The following ZNF567 variants were observed in gnomAD, a reference collection of about 807,000 sequenced individuals.
ZNF567 encodes the protein zinc finger protein 567.
In ZNF567, 36 loss-of-function variants were observed where a neutral mutation model predicts 53.9. The observed-to-expected ratio is 0.67, with a 90% confidence interval of 0.51 to 0.88. The LOEUF (loss-of-function observed/expected upper bound fraction) is 0.88. ZNF567 is among the 40% of genes least tolerant of loss of function. The probability of loss-of-function intolerance (pLI) is 0.00; values close to 1 mark genes in which losing one functional copy is unlikely to be tolerated. For synonymous variants in ZNF567, 224 were observed against 260.4 expected (o/e 0.86, Z 1.35); for missense variants, 619 against 764.7 (o/e 0.81, Z 2.25).
At chr19:36,697,809 A>G (rs541938050) in intron 3 of ZNF567, among the ~76,000 whole-genome samples, 1 of 151,052 alleles carries the variant, frequency 6.6e-6, no homozygotes, top group East Asian at 2.0e-4. Context: ...ACAGCATTTC[A>G]CCATATTGGC....
intron 3 of ZNF567, among the ~76,000 whole-genome samples, chr19:36,704,509 A>T (rs2035020960): frequency 6.6e-6 from 1 of 152,138 alleles, no homozygotes; most frequent in Non-Finnish European, 1.5e-5. Flanking sequence ...ATATTACTAT[A>T]ATGAATTATG....
intron 3 of ZNF567, chr19:36,711,878 A>C (rs2039803378): frequency 6.6e-6 from 1 of 152,408 alleles, no homozygotes. Flanking sequence ...ATATTCTTAG[A>C]ATGTGTTATT....
Position 36,702,283 on chromosome 19 carries a change from G to C in ZNF567, c.9+7407G>C, listed in dbSNP as rs1163889346. On this transcript the variant is annotated intron_variant, in intron 3 of 5. Transcript: ENST00000682579. ...TGTCTTCTGGCTTGTAGAGTTTCTGGCGAGAGATCCGCTGTTAGTCTGATG... is the reference window on the plus strand; with the variant it reads ...TGTCTTCTGGCTTGTAGAGTTTCTGCCGAGAGATCCGCTGTTAGTCTGATG... Among the ~76,000 whole-genome samples the C allele has an allele frequency of 5.9e-5, 9 of 152,146 alleles. No individual in the cohort carries two copies. In the East Asian group the frequency reaches 1.7e-3, roughly 29 times the overall value.
downstream of ZNF567, chr19:36,727,010 C>CTTTCTTTCTTTCTTTCTTTCTTTCTTTTT (rs1555809300): frequency 8.1e-6 from 1 of 123,884 alleles, no homozygotes; most frequent in Non-Finnish European, 1.7e-5. Flanking sequence ...TTCTTTCTTT[C>CTTTCTTTCTTTCTTTCTTTCTTTCTTTTT]CTTTTTTTTT....
chr19:36,672,062 A>G, the ZNF567 span, among the ~76,000 whole-genome samples: 1 of 152,198 alleles, frequency 6.6e-6, no homozygotes, highest in African/African-American at 2.4e-5. Context: ...CCTGGTTTAC[A>G]GATGGTTCTG....
At chr19:36,725,823 AT>A (rs2040333455), downstream of ZNF567, among the ~76,000 whole-genome samples, 1 of 152,004 alleles carries the variant, frequency 6.6e-6, no homozygotes, top group South Asian at 2.1e-4. Flanking sequence ...TAACTTCTAT[AT>A]TTTTTACAGA....
At chr19:36,673,429 G>T in the ZNF567 span, among the ~76,000 whole-genome samples, 2 of 152,132 alleles carry the variant, frequency 1.3e-5, no homozygotes, top group Non-Finnish European at 2.9e-5. Flanking sequence ...TAAATCAGTG[G>T]ACTCTGAATA....
chr19:36,697,842 C>G (rs2038962980), intron 3 of ZNF567, among the ~76,000 whole-genome samples: 1 of 151,676 alleles, frequency 6.6e-6, no homozygotes, highest in African/African-American at 2.4e-5. Context: ...GAACTCTGGC[C>G]TCAAGTGTTC....
At chr19:36,676,770 C>A in the ZNF567 span, among the ~76,000 whole-genome samples, 1 of 152,164 alleles carries the variant, frequency 6.6e-6, no homozygotes, top group Non-Finnish European at 1.5e-5. Flanking sequence ...GTAATCCCAG[C>A]ACTTTGGAAG....
chr19:36,690,776 A>G (rs1354801004), intron 2 of ZNF567, among the ~76,000 whole-genome samples: 5 of 152,164 alleles, frequency 3.3e-5, no homozygotes, highest in Non-Finnish European at 5.9e-5. Flanking sequence ...ATTGAATCGT[A>G]TACTTTAGAT....
intron 3 of ZNF567, among the ~76,000 whole-genome samples, chr19:36,695,597 G>A (rs558798578): frequency 3.9e-5 from 6 of 152,080 alleles, no homozygotes; most frequent in South Asian, 4.2e-4. Context: ...TATTTGGGAG[G>A]TTTAGGTGGG....
At chr19:36,724,681 C>CAAAAAA (rs577726722), downstream of ZNF567, among the ~76,000 whole-genome samples, 25 of 117,270 alleles carry the variant, frequency 2.1e-4, 2 homozygotes, top group Admixed American at 1.1e-3. Context: ...GACTTCATCT[C>CAAAAAA]AAAAAAAAAA....
At position 36,719,338 on chromosome 19, in the gene ZNF567, C is replaced by T; in HGVS notation, c.614C>T (p.Thr205Ile). 6.2e-7 allele frequency: 1 copy of T among 1,613,356 alleles called. No individual in the cohort carries two copies. Among genetic ancestry groups the T allele is most frequent in the Non-Finnish European group, 8.5e-7 (1 of 1,179,848 alleles). ...EVLMQYQKTE[T>I]PAQSFGYNDC... ...CTTATGCAGTATCAGAAAACGGAAA[C>T]TCCAGCACAGTCATTTGGATATAAT... Residue 205 changes from threonine to isoleucine, a missense_variant, in exon 6 of 6, where the codon ACT (threonine) becomes ATT (isoleucine). Transcript: ENST00000682579.
At chr19:36,711,321 C>T (rs985777341) in intron 3 of ZNF567, 1 of 152,162 alleles carries the variant, frequency 6.6e-6, no homozygotes, top group Non-Finnish European at 1.5e-5. Context: ...GCCACCACGC[C>T]CAGCCTCAAG....
intron 5 of ZNF567, among the ~76,000 whole-genome samples, chr19:36,717,692 G>A (rs2040126492): frequency 1.3e-5 from 2 of 152,180 alleles, no homozygotes; most frequent in Admixed American, 1.3e-4. Flanking sequence ...AGATATAGAT[G>A]ATTGCAAGGT....
intron 3 of ZNF567, 22 bp from the exon 4 acceptor site, chr19:36,712,364 A>C (rs762814586): frequency 1.2e-6 from 2 of 1,609,644 alleles, no homozygotes; most frequent in Non-Finnish European, 1.7e-6. Context: ...ACCTGTTCTG[A>C]TTACAGTTCC....
chr19:36,721,193 A>G lies in ZNF567; in HGVS notation c.*525A>G, dbSNP rs1390077815. On this transcript the variant is annotated 3_prime_UTR_variant, in exon 6 of 6. Coordinates refer to ENST00000682579, the MANE Select transcript of ZNF567 (RefSeq NM_001322917.1). ...TCACTCAATTTTTTAAGATCTGTACATTATTGCATGTGGCAGTAGTGTATT... is the reference window on the plus strand; with the variant it reads ...TCACTCAATTTTTTAAGATCTGTACGTTATTGCATGTGGCAGTAGTGTATT... 1 of 152,170 alleles carries G rather than the reference A, an allele frequency of 6.6e-6. No homozygotes were observed. Among genetic ancestry groups the G allele is most frequent in the Non-Finnish European group, 1.5e-5 (1 of 68,042 alleles). The allele number at this position is 152,170 out of a possible 1,614,324, so 9.4% of individuals were successfully genotyped here.
intron 2 of ZNF567, among the ~76,000 whole-genome samples, chr19:36,694,030 A>G (rs975848246): frequency 7.9e-4 from 121 of 152,266 alleles, no homozygotes; most frequent in African/African-American, 2.8e-3. Flanking sequence ...AATAATAATA[A>G]TTTAAAAAAT....
At chr19:36,694,507 G>A (rs1339478299) in intron 2 of ZNF567, among the ~76,000 whole-genome samples, 4 of 152,122 alleles carry the variant, frequency 2.6e-5, no homozygotes, top group Non-Finnish European at 4.4e-5. Context: ...CAGCCTTAAC[G>A]GAGAGCAGCT....
Sources: gnomAD v4.1 joint callset for allele counts (sites outside exome capture counted in the v4.1 genomes callset) on GRCh38, gnomAD v4.1.1 for gene constraint, MANE v1.5 for transcripts, NCBI Gene and HGNC (gene_info 2026-07-23, HGNC 2026-07-21) for gene names.